Variants in OSBPL10 observed in about 807,000 individuals in gnomAD.
OSBPL10 encodes the protein oxysterol-binding protein-related protein 10.
Under a neutral mutation model 81.7 loss-of-function variants are expected in OSBPL10, and 49 were observed. The observed-to-expected ratio is 0.60, with a 90% CI of 0.48 to 0.76. The LOEUF (loss-of-function observed/expected upper bound fraction) is 0.76. Among genes scored for constraint, OSBPL10 ranks in the 30% least tolerant of loss-of-function variants. OSBPL10 has a pLI of 0.00. For missense variants in OSBPL10, 923 were observed against 987.8 expected, an observed-to-expected ratio of 0.93 and a Z score of 0.88; for synonymous variants, 419 against 383.6, an observed-to-expected ratio of 1.09 and a Z score of -1.08.
At chr3:32,071,890 A>C (rs1193375075) in intron 1 of OSBPL10, among the ~76,000 whole-genome samples, 1 of 151,978 alleles carries the variant, frequency 6.6e-6, no homozygotes, top group Non-Finnish European at 1.5e-5. Context: ...GCATTTCCCC[A>C]TATTTCCTTC....
intron 1 of OSBPL10, among the ~76,000 whole-genome samples, chr3:31,957,271 C>T (rs746001871): frequency 1.3e-5 from 2 of 151,982 alleles, no homozygotes; most frequent in African/African-American, 4.8e-5. Flanking sequence ...AAGAAATAAC[C>T]ACAGAGACTC....
Position 31,852,838 on chromosome 3 carries a change from C to A in OSBPL10, c.538-22607G>T, listed in dbSNP as rs148149547. Among the ~76,000 whole-genome samples, 291 of 152,280 alleles carry A rather than the reference C, an allele frequency of 1.9e-3. 1 individual carries two copies. Among genetic ancestry groups the A allele is most frequent in the African/African-American group, 6.2e-3 (258 of 41,566 alleles). ...AAGTGATCCGCCTGCCTCAGCCTCC[C>A]TAAGGGCTGGGATTACAGGTGTGAG... On this transcript the variant is annotated intron_variant, in intron 3 of 11. Coordinates refer to ENST00000396556, the MANE Select transcript of OSBPL10 (RefSeq NM_017784.5).
chr3:31,696,158 G>GC (rs1457586208), intron 7 of OSBPL10, among the ~76,000 whole-genome samples: 12 of 151,804 alleles, frequency 7.9e-5, no homozygotes, highest in Admixed American at 7.2e-4. Flanking sequence ...CTCTCTGCCT[G>GC]CCCCCCTGCT....
chr3:31,766,487 C>G (rs1698204179), intron 4 of OSBPL10, among the ~76,000 whole-genome samples: 1 of 151,848 alleles, frequency 6.6e-6, no homozygotes, highest in Admixed American at 6.6e-5. Flanking sequence ...GGAGTATAGG[C>G]TCACACCATG....
intron 1 of OSBPL10, among the ~76,000 whole-genome samples, chr3:31,885,702 G>T (rs1695712953): frequency 6.6e-6 from 1 of 151,908 alleles, no homozygotes; most frequent in Admixed American, 6.6e-5. Context: ...GAAAGGAGAG[G>T]CCAGGTGCAG....
intron 4 of OSBPL10, among the ~76,000 whole-genome samples, chr3:31,780,839 A>C (rs74430122): frequency 0.14 from 3,897 of 27,752 alleles, 64 homozygotes; most frequent in Middle Eastern, 0.18. Flanking sequence ...CCACCCCCCC[A>C]AAAAACAGTC....
intron 4 of OSBPL10, among the ~76,000 whole-genome samples, chr3:31,773,830 T>C (rs988896433): frequency 6.6e-6 from 1 of 152,198 alleles, no homozygotes; most frequent in East Asian, 1.9e-4. Context: ...AAGCTTTGTT[T>C]TCTCTCATGT....
chr3:32,013,114 T>G (rs368098294), intron 2 of OSBPL10, among the ~76,000 whole-genome samples: 1 of 152,052 alleles, frequency 6.6e-6, no homozygotes. Context: ...TCTACAGAAC[T>G]CTCCACCCCA....
chr3:31,685,035 G>C (rs752604754), intron 7 of OSBPL10, among the ~76,000 whole-genome samples: 7 of 152,114 alleles, frequency 4.6e-5, no homozygotes, highest in Non-Finnish European at 8.8e-5. Flanking sequence ...CCAAATGCCT[G>C]TAACCCAATG....
intron 5 of OSBPL10, among the ~76,000 whole-genome samples, chr3:31,745,907 G>C (rs1304856021): frequency 6.6e-6 from 1 of 152,040 alleles, no homozygotes; most frequent in Non-Finnish European, 1.5e-5. Context: ...GGGCAGTTGG[G>C]GAAAGCATGA....
intron 2 of OSBPL10, among the ~76,000 whole-genome samples, chr3:31,988,046 T>G (rs556961559): frequency 9.2e-5 from 14 of 152,342 alleles, no homozygotes; most frequent in African/African-American, 3.1e-4. Flanking sequence ...TCCCAGGCCT[T>G]GAGACCTAAT....
chr3:31,987,299 C>A (rs1698948311), intron 2 of OSBPL10, among the ~76,000 whole-genome samples: 1 of 152,142 alleles, frequency 6.6e-6, no homozygotes, highest in African/African-American at 2.4e-5. Context: ...CTATATTATC[C>A]TTTGTAACAG....
chr3:31,883,857 G>C (rs1332286153), intron 1 of OSBPL10, among the ~76,000 whole-genome samples: 2 of 152,176 alleles, frequency 1.3e-5, no homozygotes, highest in Non-Finnish European at 2.9e-5. Flanking sequence ...AAGTAGAAAA[G>C]GAAGGGGATA....
chr3:31,961,279 G>A (rs1320269078), intron 1 of OSBPL10, among the ~76,000 whole-genome samples: 1 of 152,108 alleles, frequency 6.6e-6, no homozygotes, highest in Non-Finnish European at 1.5e-5. Context: ...ACAAGAATGT[G>A]GTGGTAGAAC....
chr3:31,936,844 C>T lies in OSBPL10; in HGVS notation c.281+44055G>A, dbSNP rs1697391281. Among the ~76,000 whole-genome samples, 3 of 152,296 alleles carry T rather than the reference C, an allele frequency of 2.0e-5. No homozygotes were observed. The South Asian group carries it at 6.2e-4, about 32-fold the overall frequency. The stretch of plus-strand genomic sequence containing the variant: ...TTATTCACTGCTGACTTTCAAGAAC[C>T]AGACATGACTTATCACACCGTGTAA... On this transcript the variant is annotated intron_variant, in intron 1 of 11. Transcript: ENST00000396556.
chr3:31,957,206 AC>A (rs2125455705), intron 1 of OSBPL10, among the ~76,000 whole-genome samples: 1 of 152,304 alleles, frequency 6.6e-6, no homozygotes, highest in African/African-American at 2.4e-5. Flanking sequence ...CAAAGGCAGA[AC>A]TTTTTGTTTT....
Position 31,952,929 on chromosome 3 carries a change from C to CTT in OSBPL10, c.281+27968_281+27969dup, listed in dbSNP as rs57873437. 3.8e-3 allele frequency among the ~76,000 whole-genome samples: 446 copies of CTT among 116,526 alleles called. 9 individuals carry two copies. Among genetic ancestry groups the CTT allele is most frequent in the African/African-American group, 0.013 (340 of 26,706 alleles). 76.4% of individuals were successfully genotyped at this position (116,526 alleles called of 152,430 possible). ...ATGAAATTTTTGTAAAATCTTCCTA[C>CTT]TTTTTTTTTTTTTTTTTTTTTGAGA... is the stretch of plus-strand genomic sequence containing the variant. On this transcript the variant is annotated intron_variant, in intron 1 of 11. Transcript: ENST00000396556.
intron 1 of OSBPL10, chr3:32,077,310 A>G (rs896159321): frequency 2.6e-5 from 4 of 152,136 alleles, no homozygotes; most frequent in Non-Finnish European, 5.9e-5. Flanking sequence ...GCCTGTGCTA[A>G]TGTTACAGGT....
Position 31,686,494 on chromosome 3 carries a change from C to G in OSBPL10, c.1246-2380G>C, listed in dbSNP as rs113809653. Among the ~76,000 whole-genome samples the G allele has an allele frequency of 7.1e-3, 1,076 of 152,234 alleles. 14 individuals are homozygous for G. Among genetic ancestry groups the G allele is most frequent in the African/African-American group, 0.025 (1,032 of 41,538 alleles). ...TGTAAAATTGAACATGTAATACAAT[C>G]CAAGAATCATAAAAACACTCAAAAT... On this transcript the variant is annotated intron_variant, in intron 7 of 11. Transcript: ENST00000396556.
Sources: allele counts gnomAD v4.1 joint callset (sites outside exome capture counted in the v4.1 genomes callset), GRCh38; gene constraint gnomAD v4.1.1; transcripts MANE v1.5; gene names NCBI Gene and HGNC (gene_info 2026-07-23, HGNC 2026-07-21).